The following COL1A2 variants were observed in gnomAD, a reference collection of about 807,000 sequenced individuals.
COL1A2 encodes collagen type I alpha 2 chain.
COL1A2 carries 49 observed loss-of-function variants against 174.3 expected under a neutral mutation model. The ratio of observed to expected loss-of-function variants is 0.28; its 90% CI spans 0.22 to 0.36. COL1A2 has a LOEUF of 0.36. COL1A2 is among the 10% of genes least tolerant of loss of function. COL1A2 has a pLI of 1.00. For synonymous variants in COL1A2, 655 were observed against 606.6 expected (o/e 1.08, Z -1.17); for missense variants, 1,438 against 1,822.7 (o/e 0.79, Z 3.84).
chr7:94,400,386 T>A, intron 5 of COL1A2, 98 bp downstream of exon 5: 1 of 1,049,474 alleles, frequency 9.5e-7, no homozygotes, highest in South Asian at 1.3e-5. Context: ...AATTCTTCCA[T>A]TTGAAAATTA....
Position 94,412,002 on chromosome 7 carries a change from G to C in COL1A2, c.1351-66G>C, listed in dbSNP as rs915575470. 29 of 1,394,844 alleles carry C rather than the reference G, an allele frequency of 2.1e-5. No homozygotes were observed. The Admixed American group carries it at 4.2e-4, about 20-fold the overall frequency. The allele number at this position is 1,394,844 out of a possible 1,614,324, so 86.4% of individuals were successfully genotyped here. A position where few individuals can be genotyped will look rare whatever the true frequency, so the allele number is the denominator to read the frequency against. Reference sequence around the variant, plus strand: ...GAAAAGGTGCCTTTGTTAGACTTCAGTTAATCTAAGGCTTGAGTATGTAAG... The same window carrying C: ...GAAAAGGTGCCTTTGTTAGACTTCACTTAATCTAAGGCTTGAGTATGTAAG... On this transcript the variant is annotated intron_variant, in intron 23 of 51. Coordinates refer to ENST00000297268, the MANE Select transcript of COL1A2 (RefSeq NM_000089.4).
intron 51 of COL1A2, 89 bp from the exon 52 acceptor site, chr7:94,430,158 A>G: frequency 7.7e-7 from 1 of 1,302,632 alleles, no homozygotes; most frequent in Middle Eastern, 1.8e-4. Flanking sequence ...CACATGCCAA[A>G]CAGTGGTTCT....
rs748292563 is a variant in COL1A2, at chr7:94,428,475, C to G, written c.3709C>G (p.Gln1237Glu). Residue 1237 changes from glutamine (Q) to glutamate (E), a missense_variant and splice_region_variant, in exon 50 of 52, where the codon CAG becomes GAG. Coordinates refer to ENST00000297268, the MANE Select transcript of COL1A2 (RefSeq NM_000089.4). ...WLGETINAGS[Q>E]FEYNVEGVTS... is the part of the protein sequence containing the mutation. ...AGGAGAAACTATCAATGCTGGCAGC[C>G]AGGTGAGGAATCCCACAAACACCTC... 6.2e-7 allele frequency: 1 copy of G among 1,613,266 alleles called. No individual in the cohort carries two copies. Among genetic ancestry groups the G allele is most frequent in the Non-Finnish European group, 8.5e-7 (1 of 1,179,642 alleles).
At position 94,410,233 on chromosome 7, in the gene COL1A2, G is replaced by A. The variant is rs202024467; in HGVS notation, c.1036-9G>A. 14 of 1,613,348 alleles carry A rather than the reference G, an allele frequency of 8.7e-6. No homozygotes were observed. The African/African-American group carries it at 1.7e-4, about 20-fold the overall frequency. ...TGTCCTTTGACCACTGTTCTGTATT[G>A]AACCCTAGGGTGAGCCTGGTCCAGC... On this transcript the variant is annotated splice_polypyrimidine_tract_variant and intron_variant, in intron 19 of 51. Transcript: ENST00000297268.
chr7:94,428,200 C>A, intron 49 of COL1A2, 93 bp from the exon 50 acceptor site: 2 of 1,139,826 alleles, frequency 1.8e-6, no homozygotes, highest in Non-Finnish European at 2.7e-6. Flanking sequence ...AAAAATGTTA[C>A]TTATGAGAGT....
intron 48 of COL1A2, 43 bp downstream of exon 48, chr7:94,427,338 A>G (rs576103710): frequency 3.3e-6 from 5 of 1,528,754 alleles, no homozygotes; most frequent in East Asian, 2.4e-5. Context: ...TCACGGACCT[A>G]AGGAATGTTT....
rs750692751 is a variant in COL1A2, at chr7:94,406,231, A to G, written c.541-19A>G. 11 of 1,612,894 alleles carry G rather than the reference A, an allele frequency of 6.8e-6. No individual in the cohort carries two copies. Among genetic ancestry groups the G allele is most frequent in the Non-Finnish European group, 8.5e-6 (10 of 1,179,054 alleles). On this transcript the variant is annotated intron_variant, in intron 11 of 51. Coordinates refer to ENST00000297268, the MANE Select transcript of COL1A2 (RefSeq NM_000089.4). ...ACACTATCATGGAACAGCATTTTATAATAAGGCTTTCCTTTCAGGGACACA... is the reference window on the plus strand; with the variant it reads ...ACACTATCATGGAACAGCATTTTATGATAAGGCTTTCCTTTCAGGGACACA...
chr7:94,410,587 A>T, intron 21 of COL1A2, 60 bp downstream of exon 21: 4 of 1,399,060 alleles, frequency 2.9e-6, no homozygotes, highest in Non-Finnish European at 4.0e-6. Context: ...ATACCCCTTC[A>T]CTGGGAATTG....
chr7:94,422,330 C>T (rs758726182), intron 39 of COL1A2: 3 of 165,628 alleles, frequency 1.8e-5, no homozygotes, highest in Non-Finnish European at 3.9e-5. Context: ...GGTTTGGCCT[C>T]TAATTTAATT....
rs1281006993 is a variant in COL1A2, at chr7:94,430,370, A to G, written c.4078A>G (p.Ile1360Val). ...GGADQEFFVD[I>V]GPVCFK is the part of the protein sequence containing the mutation. The stretch of plus-strand genomic sequence containing the variant: ...TGCTGACCAGGAATTCTTTGTGGAC[A>G]TTGGCCCAGTCTGTTTCAAATAAAT... Residue 1360 changes from isoleucine to valine, a missense_variant, in exon 52 of 52, where the codon ATT becomes GTT. By Grantham distance (29) the Ile-to-Val change is conservative (BLOSUM62 3). Coordinates refer to ENST00000297268, the MANE Select transcript of COL1A2 (RefSeq NM_000089.4). 7 of 1,613,978 alleles carry G rather than the reference A, an allele frequency of 4.3e-6. No individual in the cohort carries two copies. Among genetic ancestry groups the G allele is most frequent in the Non-Finnish European group, 5.9e-6 (7 of 1,179,960 alleles).
chr7:94,422,026 G>C lies in COL1A2; in HGVS notation c.2403+74G>C, dbSNP rs1263921940. 2.3e-6 allele frequency: 3 copies of C among 1,306,882 alleles called. No homozygotes were observed. The Admixed American group carries it at 5.5e-5, about 24-fold the overall frequency. 81.0% of individuals were successfully genotyped at this position (1,306,882 alleles called of 1,614,324 possible). On this transcript the variant is annotated intron_variant, in intron 39 of 51. Transcript: ENST00000297268. Reference sequence around the variant, plus strand: ...CTGGCTTCTGATAGGAAACTGGTAAGAAACTCTTCATGAAAACACATCACT... The same window carrying C: ...CTGGCTTCTGATAGGAAACTGGTAACAAACTCTTCATGAAAACACATCACT...
intron 41 of COL1A2, 85 bp downstream of exon 41, chr7:94,424,528 G>A: frequency 8.3e-7 from 1 of 1,199,120 alleles, no homozygotes. Context: ...ATTGATCACT[G>A]AATAACTTCA....
Position 94,430,552 on chromosome 7 carries a change from A to G in COL1A2, c.*159A>G, listed in dbSNP as rs1792378207. 10 of 788,826 alleles carry G rather than the reference A, an allele frequency of 1.3e-5. No individual in the cohort carries two copies. The East Asian group carries it at 2.7e-4, about 21-fold the overall frequency. The allele number at this position is 788,826 out of a possible 1,614,324, so 48.9% of individuals were successfully genotyped here. The stretch of plus-strand genomic sequence containing the variant: ...AAAGAGAAAAAGAAGGATTGATCAG[A>G]GCATTGTGCAATACAGTTTCATTAA... On this transcript the variant is annotated 3_prime_UTR_variant, in exon 52 of 52. Transcript: ENST00000297268.
At chr7:94,395,360 C>G in intron 1 of COL1A2, 1 of 531,324 alleles carries the variant, frequency 1.9e-6, no homozygotes, top group Non-Finnish European at 3.5e-6. Context: ...GGCTCCTCAG[C>G]TTAGTAACCC....
In COL1A2 at chr7:94,424,451, C is replaced by G; in HGVS notation, c.2673+8C>G. On this transcript the variant is annotated splice_region_variant and intron_variant, in intron 41 of 51. Transcript: ENST00000297268. ...GGTGTTGCTGGTGCTGTGGTGAGTG[C>G]TTGACAGTATTCTGACTCCATTAAC... is the stretch of plus-strand genomic sequence containing the variant. The G allele has an allele frequency of 6.2e-7, 1 of 1,611,434 alleles. No individual in the cohort carries two copies. The highest frequency in any genetic ancestry group is 8.5e-7 in the Non-Finnish European group (1 of 1,177,622).
chr7:94,417,807 C>A lies in COL1A2; in HGVS notation c.1947C>A (p.Gly649=), dbSNP rs755307855. Residue 649 remains glycine, a synonymous_variant, in exon 32 of 52, where the codon GGC becomes GGA. Transcript: ENST00000297268. ...SGLPGERGAA[G]IPGGKGEKGE... is the part of the protein sequence containing the mutation. ...TCCCAGGAGAGAGGGGTGCTGCTGG[C>A]ATACCTGGAGGCAAGGGAGAAAAGG... is the stretch of plus-strand genomic sequence containing the variant. 1.2e-6 allele frequency: 2 copies of A among 1,602,358 alleles called. No homozygotes were observed. The highest frequency in any genetic ancestry group is 1.7e-6 in the Non-Finnish European group (2 of 1,174,396).
chr7:94,429,141 T>C (rs760277871), intron 50 of COL1A2, 47 bp from the exon 51 acceptor site: 2 of 1,422,602 alleles, frequency 1.4e-6, no homozygotes, highest in South Asian at 2.3e-5. Context: ...ACTCTTAGTA[T>C]CTGAGTCCTT....
At position 94,413,075 on chromosome 7, in the gene COL1A2, T is replaced by C; in HGVS notation, c.1504-8T>C. ...TGTTCTTTGTTTTGTTTTTCATTTTTACTCTAGGGTGATCCTGGCAAAAAC... is the reference window on the plus strand; with the variant it reads ...TGTTCTTTGTTTTGTTTTTCATTTTCACTCTAGGGTGATCCTGGCAAAAAC... On this transcript the variant is annotated splice_region_variant and splice_polypyrimidine_tract_variant and intron_variant, in intron 25 of 51. Transcript: ENST00000297268. 1 of 1,614,076 alleles carries C rather than the reference T, an allele frequency of 6.2e-7. No individual in the cohort carries two copies.
rs765398195 is a variant in COL1A2 at position 94,416,465 on chromosome 7, C to T, written c.1825C>T (p.Arg609Ter). 2.5e-6 allele frequency: 4 copies of T among 1,584,934 alleles called. No homozygotes were observed. The highest frequency in any genetic ancestry group is 3.4e-6 in the Non-Finnish European group (4 of 1,164,748). The stretch of plus-strand genomic sequence containing the variant: ...CGGTCCTACTGGTCCTATTGGAAGC[C>T]GAGGTCCTTCTGGACCCCCAGGGCC... The part of the protein sequence containing the change: ...AAGPTGPIGS[R>*]GPSGPPGPDG... The change falls in exon 31 of 52, where the codon CGA (arginine) becomes TGA (stop). Residue 609 changes from arginine (R) to a stop codon, truncating the protein, a stop_gained. Transcript: ENST00000297268. LOFTEE classifies it high-confidence loss of function.
Sources: gnomAD v4.1 joint callset for allele counts on GRCh38, gnomAD v4.1.1 for gene constraint, MANE v1.5 for transcripts, NCBI Gene and HGNC (gene_info 2026-07-23, HGNC 2026-07-21) for gene names.